Variants in MAGI1 observed in about 807,000 individuals in gnomAD.
The protein encoded by MAGI1 is membrane associated guanylate kinase, WW and PDZ domain containing 1.
Under a neutral mutation model 139.9 loss-of-function variants are expected in MAGI1, and 58 were observed. The observed-to-expected ratio is 0.41, with a 90% CI of 0.34 to 0.52. MAGI1 has a LOEUF of 0.52. Among genes scored for constraint, MAGI1 ranks in the 20% least tolerant of loss-of-function variants. The probability of loss-of-function intolerance (pLI) is 0.12; values close to 1 mark genes in which losing one functional copy is unlikely to be tolerated. For missense variants in MAGI1, 1,874 were observed against 1,901.6 expected, an observed-to-expected ratio of 0.99 and a Z score of 0.27; for synonymous variants, 812 against 737.9, an observed-to-expected ratio of 1.10 and a Z score of -1.63.
chr3:65,987,364 A>G (rs149616278), intron 1 of MAGI1, among the ~76,000 whole-genome samples: 4 of 152,282 alleles, frequency 2.6e-5, no homozygotes, highest in South Asian at 4.1e-4. Context: ...CAGGGTTGGT[A>G]TAAGGATTAA....
intron 3 of MAGI1, among the ~76,000 whole-genome samples, chr3:65,483,943 T>G (rs1388652298): frequency 6.6e-6 from 1 of 152,216 alleles, no homozygotes; most frequent in Non-Finnish European, 1.5e-5. Flanking sequence ...CCCTGGAATT[T>G]AAGCTAGGAT....
intron 1 of MAGI1, among the ~76,000 whole-genome samples, chr3:65,871,339 G>A (rs1468224615): frequency 6.6e-6 from 1 of 152,224 alleles, no homozygotes. Flanking sequence ...GTTGGGGGTT[G>A]TGGGAGAGAA....
intron 1 of MAGI1, among the ~76,000 whole-genome samples, chr3:65,735,357 G>A (rs6147860): frequency 2.8e-5 from 1 of 35,642 alleles, no homozygotes; most frequent in Non-Finnish European, 4.9e-5. Context: ...GTGTCTGCAC[G>A]TGTGTGTGTG....
intron 1 of MAGI1, chr3:65,893,918 G>A (rs1262798358): frequency 6.6e-6 from 1 of 152,100 alleles, no homozygotes; most frequent in African/African-American, 2.4e-5. Flanking sequence ...GAAACCTCAG[G>A]TGTGTTTCAC....
chr3:65,886,522 G>A (rs180947342), intron 1 of MAGI1, among the ~76,000 whole-genome samples: 372 of 152,240 alleles, frequency 2.4e-3, no homozygotes, highest in Middle Eastern at 6.8e-3. Flanking sequence ...GTTGCAGCTA[G>A]TTATGGCCAC....
chr3:65,840,359 C>T (rs960666004), intron 1 of MAGI1, among the ~76,000 whole-genome samples: 9 of 152,242 alleles, frequency 5.9e-5, no homozygotes, highest in Middle Eastern at 3.4e-3. Flanking sequence ...AGAAGGCATT[C>T]GGTCTTGCAC....
At chr3:65,777,912 CCTAA>C (rs1285989962) in intron 1 of MAGI1, among the ~76,000 whole-genome samples, 3 of 152,220 alleles carry the variant, frequency 2.0e-5, no homozygotes, top group East Asian at 1.9e-4. Context: ...AATCAATAAT[CCTAA>C]CTAACACTAC....
At chr3:65,700,505 T>G (rs1464567612) in intron 1 of MAGI1, among the ~76,000 whole-genome samples, 2 of 152,146 alleles carry the variant, frequency 1.3e-5, no homozygotes, top group Non-Finnish European at 2.9e-5. Context: ...CATTCTACCA[T>G]TTGACCAAAT....
chr3:65,805,413 G>A (rs1167338685), intron 1 of MAGI1, among the ~76,000 whole-genome samples: 1 of 152,140 alleles, frequency 6.6e-6, no homozygotes, highest in East Asian at 1.9e-4. Context: ...AGTCAGAATG[G>A]CAATTATTAA....
chr3:65,492,114 GC>G (rs988593717), intron 3 of MAGI1, among the ~76,000 whole-genome samples: 3 of 152,130 alleles, frequency 2.0e-5, no homozygotes, highest in African/African-American at 7.2e-5. Context: ...TCTTTAAAAT[GC>G]CCCGTGAATG....
intron 1 of MAGI1, among the ~76,000 whole-genome samples, chr3:65,777,925 A>C (rs2038601592): frequency 6.6e-6 from 1 of 152,190 alleles, no homozygotes. Context: ...AACTAACACT[A>C]CTATAGTTCT....
chr3:65,809,225 G>C (rs1416707941), intron 1 of MAGI1, among the ~76,000 whole-genome samples: 1 of 152,144 alleles, frequency 6.6e-6, no homozygotes, highest in East Asian at 1.9e-4. Flanking sequence ...TAATAACTGG[G>C]ATAACTGCCC....
intron 1 of MAGI1, among the ~76,000 whole-genome samples, chr3:66,001,812 A>G (rs1187371869): frequency 1.3e-5 from 2 of 152,240 alleles, no homozygotes; most frequent in Non-Finnish European, 2.9e-5. Flanking sequence ...GCCAATTTTA[A>G]TTAAATAATT....
chr3:65,699,891 T>G (rs1343674739), intron 1 of MAGI1, among the ~76,000 whole-genome samples: 1 of 150,022 alleles, frequency 6.7e-6, no homozygotes, highest in Admixed American at 6.6e-5. Flanking sequence ...AAAATAAAAA[T>G]TAAAAAAATA....
chr3:65,501,198 A>G (rs2107700308), intron 2 of MAGI1, among the ~76,000 whole-genome samples: 1 of 152,232 alleles, frequency 6.6e-6, no homozygotes, highest in South Asian at 2.1e-4. Flanking sequence ...AAAATTAAAC[A>G]GGCCAGGTGC....
intron 1 of MAGI1, among the ~76,000 whole-genome samples, chr3:65,819,275 A>G (rs2041798118): frequency 6.6e-6 from 1 of 152,114 alleles, no homozygotes; most frequent in Admixed American, 6.5e-5. Context: ...GAGTGAATGA[A>G]ATTCCATCTC....
At position 65,687,982 on chromosome 3, in the gene MAGI1, T is replaced by C. The variant is rs1576735474; in HGVS notation, c.314-65894A>G. 5 of 815,212 alleles carry C rather than the reference T, an allele frequency of 6.1e-6. No individual in the cohort carries two copies. In the East Asian group the frequency reaches 1.2e-4, roughly 20 times the overall value. The allele number at this position is 815,212 out of a possible 1,614,324, so 50.5% of individuals were successfully genotyped here. ...ACAGTTAAAGTTATCATCAGACTAC[T>C]GAAGGACTTGAGGGTTTCGTTTTCC... is the stretch of plus-strand genomic sequence containing the variant. On this transcript the variant is annotated intron_variant, in intron 1 of 22. Transcript: ENST00000402939.
intron 1 of MAGI1, among the ~76,000 whole-genome samples, chr3:65,637,005 T>C (rs2084665834): frequency 6.6e-6 from 1 of 152,240 alleles, no homozygotes; most frequent in South Asian, 2.1e-4. Context: ...CACTGCCATC[T>C]TGGGCAGGAC....
chr3:65,750,354 G>A (rs576941542), intron 1 of MAGI1, among the ~76,000 whole-genome samples: 2 of 152,096 alleles, frequency 1.3e-5, no homozygotes, highest in Admixed American at 6.5e-5. Context: ...GGTGAGAAAG[G>A]GATCTTTAAT....
Sources: allele counts gnomAD v4.1 joint callset (sites outside exome capture counted in the v4.1 genomes callset), GRCh38; gene constraint gnomAD v4.1.1; transcripts MANE v1.5; gene names NCBI Gene and HGNC (gene_info 2026-07-23, HGNC 2026-07-21).